Variants in DPP10 observed in about 807,000 individuals in gnomAD.
DPP10 encodes inactive dipeptidyl peptidase 10.
Under a neutral mutation model 120.9 loss-of-function variants are expected in DPP10, and 33 were observed. That is an observed-to-expected ratio of 0.27 (90% confidence interval 0.21 to 0.37). The LOEUF is 0.37. DPP10 is among the 10% of genes least tolerant of loss of function. The pLI is 1.00. For missense variants in DPP10, 816 were observed against 942.8 expected, an observed-to-expected ratio of 0.87 and a Z score of 1.76; for synonymous variants, 337 against 326.1, an observed-to-expected ratio of 1.03 and a Z score of -0.36.
At position 114,722,416 on chromosome 2, in the gene DPP10, G is replaced by T. The variant is rs559505225; in HGVS notation, c.60+279578G>T. On this transcript the variant is annotated intron_variant, in intron 1 of 25. Coordinates refer to ENST00000410059, the MANE Select transcript of DPP10 (RefSeq NM_020868.6). ...TCTTTTTTTAAAGAGGAGTTCTAGA[G>T]AATCTAAAGTTTTTTTTTGATTGTT... Among the ~76,000 whole-genome samples the T allele has an allele frequency of 2.4e-4, 37 of 152,142 alleles. 1 individual carries two copies. In the South Asian group the frequency reaches 7.7e-3, roughly 32 times the overall value.
intron 1 of DPP10, among the ~76,000 whole-genome samples, chr2:114,986,118 ATAATTT>A (rs1700376918): frequency 6.6e-6 from 1 of 152,366 alleles, no homozygotes; most frequent in African/African-American, 2.4e-5. Flanking sequence ...AGCAAAGGAA[ATAATTT>A]TGATTAAAAG....
At chr2:114,746,963 G>A (rs1175773741) in intron 1 of DPP10, among the ~76,000 whole-genome samples, 1 of 152,008 alleles carries the variant, frequency 6.6e-6, no homozygotes. Context: ...GACTTCCCTA[G>A]GCTAGTCACT....
At chr2:114,885,572 A>G (rs897232834) in intron 1 of DPP10, among the ~76,000 whole-genome samples, 1 of 152,138 alleles carries the variant, frequency 6.6e-6, no homozygotes, top group African/African-American at 2.4e-5. Context: ...AATATGAGAG[A>G]TTTATTACAC....
chr2:114,695,588 A>T (rs1700023654), intron 1 of DPP10, among the ~76,000 whole-genome samples: 1 of 152,108 alleles, frequency 6.6e-6, no homozygotes, highest in Non-Finnish European at 1.5e-5. Context: ...CCTTTTCCAT[A>T]ACAACACAGT....
chr2:115,791,225 C>G, intron 18 of DPP10, 46 bp downstream of exon 18: 1 of 1,603,594 alleles, frequency 6.2e-7, no homozygotes, highest in Non-Finnish European at 8.5e-7. Context: ...ACTTTCTCTG[C>G]GTCTTATAGT....
chr2:115,442,840 A>G (rs1457645318), intron 3 of DPP10, among the ~76,000 whole-genome samples: 2 of 152,078 alleles, frequency 1.3e-5, no homozygotes, highest in Admixed American at 6.6e-5. Flanking sequence ...AATAATTAAT[A>G]TTTTGTCCGT....
intron 5 of DPP10, among the ~76,000 whole-genome samples, chr2:115,675,386 G>A (rs189979549): frequency 6.6e-6 from 1 of 152,232 alleles, no homozygotes; most frequent in Admixed American, 6.5e-5. Context: ...CATCAAGATG[G>A]CTTACTAGAA....
chr2:115,562,418 C>A (rs145542438), intron 5 of DPP10, among the ~76,000 whole-genome samples: 1 of 152,246 alleles, frequency 6.6e-6, no homozygotes, highest in Non-Finnish European at 1.5e-5. Context: ...AGACCATATG[C>A]TTTTTCATCA....
At chr2:115,725,145 A>G (rs1244162959) in intron 7 of DPP10, among the ~76,000 whole-genome samples, 2 of 152,206 alleles carry the variant, frequency 1.3e-5, no homozygotes, top group African/African-American at 4.8e-5. Context: ...ACATTAGGAT[A>G]AATAGCATTA....
chr2:115,750,065 A>T lies in DPP10; in HGVS notation c.951-3109A>T, dbSNP rs1678506732. On this transcript the variant is annotated intron_variant, in intron 10 of 25. Coordinates refer to ENST00000410059, the MANE Select transcript of DPP10 (RefSeq NM_020868.6). ...GAGACTAGGAACAAGCAGGAAACCC[A>T]GTTATAAGAAAGGGACACTTCTGCT... 3 of 985,364 alleles carry T rather than the reference A, an allele frequency of 3.0e-6. No homozygotes were observed. The South Asian group carries it at 1.4e-4, about 46-fold the overall frequency. 61.0% of individuals were successfully genotyped at this position (985,364 alleles called of 1,614,324 possible).
At chr2:114,964,151 AAGATTAAATG>A (rs1403141940) in intron 1 of DPP10, among the ~76,000 whole-genome samples, 1 of 152,224 alleles carries the variant, frequency 6.6e-6, no homozygotes, top group African/African-American at 2.4e-5. Context: ...AACACCTGTG[AAGATTAAATG>A]TGACTATGAA....
At chr2:115,229,786 T>C (rs1454151257) in intron 1 of DPP10, among the ~76,000 whole-genome samples, 1 of 151,810 alleles carries the variant, frequency 6.6e-6, no homozygotes, top group Admixed American at 6.6e-5. Context: ...CAGTAGCATG[T>C]TGTTTGTTCA....
chr2:114,769,054 G>T (rs1400992142), intron 1 of DPP10, among the ~76,000 whole-genome samples: 1 of 152,054 alleles, frequency 6.6e-6, no homozygotes, highest in Non-Finnish European at 1.5e-5. Context: ...GAATAGTAGG[G>T]TCATCTCTCT....
intron 1 of DPP10, among the ~76,000 whole-genome samples, chr2:115,079,296 C>T (rs374431209): frequency 1.3e-4 from 19 of 151,172 alleles, no homozygotes; most frequent in African/African-American, 4.1e-4. Flanking sequence ...AGGAGGATGG[C>T]GTGAACCCGG....
chr2:115,534,650 G>A (rs1051528684), intron 5 of DPP10, among the ~76,000 whole-genome samples: 2 of 151,730 alleles, frequency 1.3e-5, no homozygotes, highest in Admixed American at 1.3e-4. Flanking sequence ...TGGATCAAAT[G>A]GTATTTCTAG....
chr2:115,054,561 A>G (rs1559040061), intron 1 of DPP10, among the ~76,000 whole-genome samples: 1 of 152,220 alleles, frequency 6.6e-6, no homozygotes, highest in Non-Finnish European at 1.5e-5. Context: ...ACTAAAGTTT[A>G]CTTGCTTAAT....
intron 1 of DPP10, among the ~76,000 whole-genome samples, chr2:114,894,104 A>G (rs1004032855): frequency 6.6e-6 from 1 of 152,200 alleles, no homozygotes; most frequent in Non-Finnish European, 1.5e-5. Context: ...ATTTTATTTG[A>G]CAATAGCTGG....
chr2:115,262,742 C>T (rs1049396446), intron 1 of DPP10, among the ~76,000 whole-genome samples: 4 of 152,134 alleles, frequency 2.6e-5, no homozygotes, highest in African/African-American at 9.7e-5. Context: ...AAAGTTTTCT[C>T]CTCATCTGTA....
intron 19 of DPP10, among the ~76,000 whole-genome samples, chr2:115,800,383 G>C (rs1685063124): frequency 6.6e-6 from 1 of 152,130 alleles, no homozygotes; most frequent in Non-Finnish European, 1.5e-5. Context: ...CATTCTGTAG[G>C]TTGCCTGTTC....
Sources: allele counts gnomAD v4.1 joint callset (sites outside exome capture counted in the v4.1 genomes callset), GRCh38; gene constraint gnomAD v4.1.1; transcripts MANE v1.5; gene names NCBI Gene and HGNC (gene_info 2026-07-23, HGNC 2026-07-21).